The following METTL3 variants were observed in gnomAD, a reference collection of about 807,000 sequenced individuals.
The protein encoded by METTL3 is N(6)-adenosine-methyltransferase catalytic subunit METTL3.
In METTL3, 42 loss-of-function variants were observed where a neutral mutation model predicts 64.3. That is an observed-to-expected ratio of 0.65 (90% confidence interval 0.51 to 0.84). The LOEUF is 0.84. Among genes scored for constraint, METTL3 ranks in the 40% least tolerant of loss-of-function variants. The probability of loss-of-function intolerance (pLI) is 0.00; values close to 1 mark genes in which losing one functional copy is unlikely to be tolerated. For synonymous variants in METTL3, 256 were observed against 263.6 expected (o/e 0.97, Z 0.28); for missense variants, 435 against 722.3 (o/e 0.60, Z 4.56).
At chr14:21,505,174 TG>T (rs776230293) in intron 1 of METTL3, among the ~76,000 whole-genome samples, 2 of 152,124 alleles carry the variant, frequency 1.3e-5, no homozygotes, top group Non-Finnish European at 2.9e-5. Context: ...CCACACAAGG[TG>T]GCCTGTGCCT....
intron 6 of METTL3, 132 bp downstream of exon 6, chr14:21,500,359 CTCAA>C (rs1298683761): frequency 4.6e-5 from 36 of 778,060 alleles, no homozygotes; most frequent in South Asian, 4.5e-4. Flanking sequence ...GTGAGACTCT[CTCAA>C]AAAAAAAGAA....
intron 5 of METTL3, 85 bp downstream of exon 5, chr14:21,500,828 T>C: frequency 6.9e-7 from 1 of 1,452,526 alleles, no homozygotes; most frequent in South Asian, 1.3e-5. Flanking sequence ...GATTGCTGAA[T>C]TATGCTCTGC....
At chr14:21,498,822 C>T (rs948980332) in intron 10 of METTL3, 112 of 558,016 alleles carry the variant, frequency 2.0e-4, no homozygotes, top group Non-Finnish European at 3.3e-4. Flanking sequence ...GGGAGCAGTG[C>T]TTTTGGGTCC....
chr14:21,499,483 G>A lies in METTL3; in HGVS notation c.1452+9C>T. The A allele has an allele frequency of 6.2e-7, 1 of 1,612,080 alleles. No individual in the cohort carries two copies. Among genetic ancestry groups the A allele is most frequent in the Non-Finnish European group, 8.5e-7 (1 of 1,178,122 alleles). ...TCCACCTATTGAATTGGGCCCCACT[G>A]CTGCTCACCAAGCAGTGTTCCTTCC... On this transcript the variant is annotated intron_variant, in intron 8 of 10. Coordinates refer to ENST00000298717, the MANE Select transcript of METTL3 (RefSeq NM_019852.5).
At chr14:21,502,835 T>G (rs1891602938) in intron 3 of METTL3, 1 of 219,740 alleles carries the variant, frequency 4.6e-6, no homozygotes, top group Admixed American at 5.1e-5. Flanking sequence ...TCTTTCAGAT[T>G]CAGTGACAGA....
chr14:21,501,480 GACAGACAT>G, intron 4 of METTL3: 1 of 575,806 alleles, frequency 1.7e-6, no homozygotes, highest in Non-Finnish European at 3.1e-6. Context: ...GTGGCTCAGA[GACAGACAT>G]ACTTTGCTAT....
chr14:21,499,823 C>T (rs776848940), intron 6 of METTL3, 21 bp from the exon 7 acceptor site: 2 of 1,610,902 alleles, frequency 1.2e-6, no homozygotes, highest in Non-Finnish European at 1.7e-6. Context: ...ATGAGTTAAA[C>T]AACTATTTGT....
chr14:21,507,048 G>C (rs1891714934), intron 1 of METTL3, among the ~76,000 whole-genome samples: 1 of 152,092 alleles, frequency 6.6e-6, no homozygotes, highest in Non-Finnish European at 1.5e-5. Context: ...TCCAAAGGCT[G>C]TGGACACCTG....
intron 1 of METTL3, chr14:21,510,838 G>A (rs893368627): frequency 5.3e-6 from 2 of 378,016 alleles, no homozygotes; most frequent in Non-Finnish European, 9.7e-6. Context: ...TCACAAAGGC[G>A]ACGTCCTCGC....
chr14:21,506,055 GTT>G (rs769534006), intron 1 of METTL3, among the ~76,000 whole-genome samples: 1 of 146,796 alleles, frequency 6.8e-6, no homozygotes. Context: ...TTAAAATAAA[GTT>G]TTTTTTTTTG....
chr14:21,506,995 G>A (rs922047679), intron 1 of METTL3, among the ~76,000 whole-genome samples: 1 of 152,024 alleles, frequency 6.6e-6, no homozygotes, highest in African/African-American at 2.4e-5. Context: ...TGGCCAGGCT[G>A]GTCTTGAACT....
rs747044799 is a variant in METTL3 at position 21,499,258 on chromosome 14, T to C, written c.1518+48A>G. On this transcript the variant is annotated intron_variant, in intron 9 of 10. Coordinates refer to ENST00000298717, the MANE Select transcript of METTL3 (RefSeq NM_019852.5). Reference sequence around the variant, plus strand: ...TGAGAATACACCCAACATGAATAACTGATACCAACAAAAATGTGGAAGCTT... The same window carrying C: ...TGAGAATACACCCAACATGAATAACCGATACCAACAAAAATGTGGAAGCTT... 44 of 1,609,816 alleles carry C rather than the reference T, an allele frequency of 2.7e-5. No homozygotes were observed. In the East Asian group the frequency reaches 9.1e-4, roughly 33 times the overall value.
chr14:21,501,743 C>G lies in METTL3; in HGVS notation c.884G>C (p.Arg295Pro). Residue 295 changes from arginine to proline, a missense_variant, in exon 4 of 11, where the codon CGC (arginine) becomes CCC (proline). Arg to Pro is a moderately radical substitution (Grantham distance 103). Transcript: ENST00000298717. The part of the protein sequence containing the change: ...MKASDADRPC[R>P]KLHFRRIINK... ...TCCAAGAGACCTGAAGTGCAGCTTG[C>G]GACAGGGTCGATCAGCATCACTGGC... is the stretch of plus-strand genomic sequence containing the variant. 1 of 1,614,156 alleles carries G rather than the reference C, an allele frequency of 6.2e-7. No homozygotes were observed. Among genetic ancestry groups the G allele is most frequent in the Non-Finnish European group, 8.5e-7 (1 of 1,180,012 alleles).
At chr14:21,510,071 T>TACAG (rs1802543993) in intron 1 of METTL3, among the ~76,000 whole-genome samples, 1 of 152,256 alleles carries the variant, frequency 6.6e-6, no homozygotes, top group Non-Finnish European at 1.5e-5. Flanking sequence ...CTCTTCATTG[T>TACAG]ACAGACTGTA....
chr14:21,499,593 G>A lies in METTL3; in HGVS notation c.1351C>T (p.Arg451Trp). The A allele has an allele frequency of 1.9e-6, 3 of 1,613,390 alleles. No homozygotes were observed. Among genetic ancestry groups the A allele is most frequent in the South Asian group, 1.1e-5 (1 of 91,052 alleles). ...RECLNLWGYE[R>W]VDEIIWVKTN... ...TTCACCCAAATAATTTCATCTACCC[G>A]TTCATACCTGTGGGGCATAAAAAAG... Residue 451 changes from arginine to tryptophan, a missense_variant, in exon 8 of 11, where the codon CGG becomes TGG. Coordinates refer to ENST00000298717, the MANE Select transcript of METTL3 (RefSeq NM_019852.5).
chr14:21,501,262 T>A, intron 4 of METTL3, 133 bp from the exon 5 acceptor site: 1 of 680,244 alleles, frequency 1.5e-6, no homozygotes, highest in Non-Finnish European at 2.4e-6. Context: ...TTCAAGAGTT[T>A]TAAGGGAGGC....
intron 1 of METTL3, among the ~76,000 whole-genome samples, chr14:21,509,709 G>A (rs1555327086): frequency 1.3e-5 from 2 of 151,836 alleles, no homozygotes; most frequent in African/African-American, 4.8e-5. Flanking sequence ...AAAAACAAAA[G>A]CAAAAAAAGT....
rs762331472 is a variant in METTL3, at chr14:21,499,086, G to A, written c.1570C>T (p.Leu524=). 1 of 1,614,190 alleles carries A rather than the reference G, an allele frequency of 6.2e-7. No homozygotes were observed. The highest frequency in any genetic ancestry group is 1.1e-5 in the South Asian group (1 of 91,082). The change falls in exon 10 of 11, where the codon CTA becomes TTA. Residue 524 remains leucine, a synonymous_variant. Coordinates refer to ENST00000298717, the MANE Select transcript of METTL3 (RefSeq NM_019852.5). ...PDEIYGMIER[L]SPGTRKIELF... The stretch of plus-strand genomic sequence containing the variant: ...TCAATCTTGCGAGTGCCAGGAGATA[G>A]TCTTTCAATCATGCCATAGATTTCA...
chr14:21,506,670 C>A (rs565477389), intron 1 of METTL3, among the ~76,000 whole-genome samples: 296 of 152,290 alleles, frequency 1.9e-3, no homozygotes, highest in African/African-American at 6.9e-3. Context: ...CAAACGCCCA[C>A]CCATGGATGA....
Sources: allele counts gnomAD v4.1 joint callset (sites outside exome capture counted in the v4.1 genomes callset), GRCh38; gene constraint gnomAD v4.1.1; transcripts MANE v1.5; gene names NCBI Gene and HGNC (gene_info 2026-07-23, HGNC 2026-07-21).